ATR: variants seen among roughly 807,000 people sequenced by gnomAD.
The protein encoded by ATR is serine/threonine-protein kinase ATR.
In ATR, 142 loss-of-function variants were observed where a neutral mutation model predicts 305.3. That is an observed-to-expected ratio of 0.47 (90% CI 0.41 to 0.53). The LOEUF (loss-of-function observed/expected upper bound fraction) is 0.53. ATR is among the 20% of genes least tolerant of loss of function. ATR has a pLI of 0.00. For synonymous variants in ATR, 1,050 were observed against 1,068.1 expected (o/e 0.98, Z 0.33); for missense variants, 2,135 against 3,133.1 (o/e 0.68, Z 7.60).
chr3:142,487,618 AAAT>A (rs377264267), intron 35 of ATR, among the ~76,000 whole-genome samples: 8 of 152,232 alleles, frequency 5.3e-5, no homozygotes, highest in East Asian at 1.9e-4. Context: ...TAAAATCTAC[AAAT>A]AATAATGTTA....
At chr3:142,492,612 T>A (rs1048678555) in intron 35 of ATR, among the ~76,000 whole-genome samples, 3 of 152,224 alleles carry the variant, frequency 2.0e-5, no homozygotes, top group Middle Eastern at 3.2e-3. Context: ...AACTCGTTAA[T>A]TTTGAACCTT....
intron 19 of ATR, among the ~76,000 whole-genome samples, chr3:142,536,665 C>T (rs368075054): frequency 6.6e-6 from 1 of 152,154 alleles, no homozygotes; most frequent in Non-Finnish European, 1.5e-5. Flanking sequence ...TGAGACTACA[C>T]GGAATGAGAG....
intron 21 of ATR, among the ~76,000 whole-genome samples, chr3:142,527,124 A>G (rs1379901446): frequency 6.6e-6 from 1 of 152,090 alleles, no homozygotes; most frequent in Non-Finnish European, 1.5e-5. Context: ...GATTTGTTTG[A>G]TAATATTTCA....
In ATR at chr3:142,562,516, A is replaced by C; in HGVS notation, c.886T>G (p.Ser296Ala). Residue 296 changes from serine (S) to alanine (A), a missense_variant, in exon 4 of 47, where the codon TCA (serine) becomes GCA (alanine). Coordinates refer to ENST00000350721, the MANE Select transcript of ATR (RefSeq NM_001184.4). ...DQLKLYEEPL[S>A]KLIKTLFPFE... is the part of the protein sequence containing the mutation. The stretch of plus-strand genomic sequence containing the variant: ...GGAAATAGTGTCTTTATCAGCTTTG[A>C]TAATGGCTCTTCATAGAGTTTCAAT... 1 of 1,613,926 alleles carries C rather than the reference A, an allele frequency of 6.2e-7. No individual in the cohort carries two copies. The highest frequency in any genetic ancestry group is 8.5e-7 in the Non-Finnish European group (1 of 1,179,918).
At chr3:142,454,632 A>AGGGTTT (rs1196603481) in intron 45 of ATR, among the ~76,000 whole-genome samples, 1 of 151,538 alleles carries the variant, frequency 6.6e-6, no homozygotes, top group Non-Finnish European at 1.5e-5. Context: ...TAGTAGAGAC[A>AGGGTTT]GGGTTTCACC....
chr3:142,553,741 C>T lies in ATR; in HGVS notation c.2533-1G>A, dbSNP rs755272769. 1.9e-6 allele frequency: 3 copies of T among 1,611,534 alleles called. No homozygotes were observed. The highest frequency in any genetic ancestry group is 2.7e-5 in the African/African-American group (2 of 74,854). ...CTTCCTTCATTCTTAAGACAAAAAG[C>T]TAGAACAATAAAATTAACTGGTTAA... On this transcript the variant is annotated splice_acceptor_variant, in intron 11 of 46. Coordinates refer to ENST00000350721, the MANE Select transcript of ATR (RefSeq NM_001184.4). LOFTEE classifies it high-confidence loss of function.
chr3:142,502,293 T>G (rs1332221060), intron 30 of ATR, among the ~76,000 whole-genome samples: 1 of 152,150 alleles, frequency 6.6e-6, no homozygotes, highest in Non-Finnish European at 1.5e-5. Context: ...CTATTCATAA[T>G]AGCAAAGACA....
At chr3:142,542,123 A>G (rs2108440244) in intron 17 of ATR, among the ~76,000 whole-genome samples, 1 of 152,292 alleles carries the variant, frequency 6.6e-6, no homozygotes, top group South Asian at 2.1e-4. Context: ...GCTTTACATT[A>G]TAATAACCTA....
chr3:142,576,502 C>T (rs2035443580), intron 1 of ATR, among the ~76,000 whole-genome samples: 1 of 152,182 alleles, frequency 6.6e-6, no homozygotes, highest in African/African-American at 2.4e-5. Flanking sequence ...TTAAGAATGA[C>T]TTCTAGATTT....
In ATR at chr3:142,475,667, C is replaced by T. The variant is rs535836226; in HGVS notation, c.6222-5484G>A. Among the ~76,000 whole-genome samples, 18 of 152,292 alleles carry T rather than the reference C, an allele frequency of 1.2e-4. No homozygotes were observed. In the East Asian group the frequency reaches 1.3e-3, roughly 11 times the overall value. ...TTCTAGTTCTAGATCCCCGAGGAAC[C>T]GCCACAATGACTTCCACAATGGTTG... On this transcript the variant is annotated intron_variant, in intron 36 of 46. Coordinates refer to ENST00000350721, the MANE Select transcript of ATR (RefSeq NM_001184.4).
chr3:142,491,223 G>C (rs919718642), intron 35 of ATR, among the ~76,000 whole-genome samples: 12 of 152,054 alleles, frequency 7.9e-5, no homozygotes, highest in African/African-American at 2.7e-4. Context: ...TCATGTAAGT[G>C]GAATCATGCA....
At chr3:142,522,595 G>A in intron 23 of ATR, 133 bp downstream of exon 23, 1 of 814,640 alleles carries the variant, frequency 1.2e-6, no homozygotes, top group South Asian at 1.5e-5. Context: ...ACTCTAAAAT[G>A]TTTATCATGA....
At chr3:142,523,392 C>T (rs1194547244) in intron 22 of ATR, among the ~76,000 whole-genome samples, 1 of 152,106 alleles carries the variant, frequency 6.6e-6, no homozygotes, top group Non-Finnish European at 1.5e-5. Context: ...TGCACTCCAG[C>T]CTGGGTGACA....
At chr3:142,556,642 A>G (rs1038765820) in intron 8 of ATR, 67 bp from the exon 9 acceptor site, 43 of 1,410,810 alleles carry the variant, frequency 3.0e-5, no homozygotes, top group African/African-American at 4.4e-5. Flanking sequence ...ACATATACAT[A>G]TATATAAGTA....
At position 142,493,279 on chromosome 3, in the gene ATR, T is replaced by C. The variant is rs150964938; in HGVS notation, c.5931A>G (p.Gln1977=). ...GDVHQALIVL[Q]KGVELCFPEN... ...CAGGAAAACATAATTCAACACCTTT[T>C]TGAAGAACAATTAGTGCCTGGTGAA... The change falls in exon 35 of 47, where the codon CAA becomes CAG. Residue 1977 remains glutamine, a synonymous_variant. Transcript: ENST00000350721. 453 of 1,613,870 alleles carry C rather than the reference T, an allele frequency of 2.8e-4. No individual in the cohort carries two copies. Among genetic ancestry groups the C allele is most frequent in the African/African-American group, 1.6e-3 (118 of 75,048 alleles).
intron 18 of ATR, among the ~76,000 whole-genome samples, chr3:142,539,783 T>C (rs1177947725): frequency 6.6e-6 from 1 of 152,144 alleles, no homozygotes; most frequent in Non-Finnish European, 1.5e-5. Flanking sequence ...AGGAATTTTG[T>C]TTTAAGAAGA....
intron 9 of ATR, 116 bp from the exon 10 acceptor site, chr3:142,556,255 T>C: frequency 1.3e-5 from 19 of 1,495,216 alleles, no homozygotes; most frequent in East Asian, 2.3e-5. Flanking sequence ...GAAAAAATGT[T>C]AAATTCTAAA....
chr3:142,555,531 C>G (rs35453605), intron 10 of ATR, among the ~76,000 whole-genome samples: 17 of 152,212 alleles, frequency 1.1e-4, no homozygotes, highest in Non-Finnish European at 1.6e-4. Context: ...TTGAAGTTCT[C>G]AAGGTCCAAG....
intron 25 of ATR, among the ~76,000 whole-genome samples, chr3:142,514,810 A>C (rs1405948894): frequency 1.6e-4 from 5 of 31,642 alleles, no homozygotes; most frequent in African/African-American, 4.4e-4. Context: ...TCCGTCACAA[A>C]AAAAAAAAAA....
Sources: gnomAD v4.1 joint callset for allele counts (sites outside exome capture counted in the v4.1 genomes callset) on GRCh38, gnomAD v4.1.1 for gene constraint, MANE v1.5 for transcripts, NCBI Gene and HGNC (gene_info 2026-07-23, HGNC 2026-07-21) for gene names.